Variants in KCNJ6 observed in about 807,000 individuals in gnomAD.
KCNJ6 encodes potassium inwardly rectifying channel subfamily J member 6.
KCNJ6 carries 9 observed loss-of-function variants against 34.2 expected under a neutral mutation model. The observed-to-expected ratio is 0.26, with a 90% confidence interval of 0.16 to 0.46. The LOEUF is 0.46. Among genes scored for constraint, KCNJ6 ranks in the 20% least tolerant of loss-of-function variants. KCNJ6 has a pLI of 1.00. For synonymous variants in KCNJ6, 196 were observed against 207.1 expected, an observed-to-expected ratio of 0.95 and a Z score of 0.46; for missense variants, 236 against 531.3, an observed-to-expected ratio of 0.44 and a Z score of 5.46.
chr21:37,861,891 G>A (rs1028507774), intron 1 of KCNJ6, among the ~76,000 whole-genome samples: 2 of 152,190 alleles, frequency 1.3e-5, no homozygotes, highest in Non-Finnish European at 2.9e-5. Flanking sequence ...CTGGGCCCCT[G>A]GGCAAGCTGG....
chr21:37,625,049 A>T lies in KCNJ6; in HGVS notation c.*110T>A. ...TTTGTTTTCTGGTCATGTAAAAATT[A>T]AATATAAACAAATAAAGAACAAAGC... On this transcript the variant is annotated 3_prime_UTR_variant, in exon 4 of 4. Coordinates refer to ENST00000609713, the MANE Select transcript of KCNJ6 (RefSeq NM_002240.5). The T allele has an allele frequency of 3.6e-6, 3 of 837,182 alleles. No individual in the cohort carries two copies. The highest frequency in any genetic ancestry group is 5.7e-6 in the Non-Finnish European group (3 of 526,678). The allele number at this position is 837,182 out of a possible 1,614,324, so 51.9% of individuals were successfully genotyped here.
chr21:37,645,017 GTTTT>G (rs71198881), intron 3 of KCNJ6, among the ~76,000 whole-genome samples: 33,457 of 130,720 alleles, frequency 0.26, 4,384 homozygotes, highest in South Asian at 0.33. Context: ...AAACAGGTGG[GTTTT>G]TTTTTTTTTT....
At chr21:37,798,645 C>G (rs2055254753) in intron 2 of KCNJ6, among the ~76,000 whole-genome samples, 1 of 152,098 alleles carries the variant, frequency 6.6e-6, no homozygotes, top group Non-Finnish European at 1.5e-5. Flanking sequence ...TGAAAACATG[C>G]CTAGTGAAAC....
chr21:37,817,853 A>G (rs989502185), intron 2 of KCNJ6, among the ~76,000 whole-genome samples: 5 of 152,216 alleles, frequency 3.3e-5, no homozygotes, highest in African/African-American at 9.7e-5. Context: ...CACAGGTACA[A>G]CAGAGTGGGT....
rs906331816 is a variant in KCNJ6 at position 37,613,818 on chromosome 21, G to A, written c.*11341C>T. On this transcript the variant is annotated 3_prime_UTR_variant, in exon 4 of 4. Coordinates refer to ENST00000609713, the MANE Select transcript of KCNJ6 (RefSeq NM_002240.5). ...ATTTTTAGGGCCGTGGGACTATCCT[G>A]TATGATTCTATAATGGTGGATCCAT... 2.6e-5 allele frequency: 4 copies of A among 152,170 alleles called. No homozygotes were observed. The highest frequency in any genetic ancestry group is 1.3e-4 in the Admixed American group (2 of 15,274). 9.4% of individuals were successfully genotyped at this position (152,170 alleles called of 1,614,324 possible).
At chr21:37,668,058 G>A (rs564216373) in intron 3 of KCNJ6, among the ~76,000 whole-genome samples, 16 of 152,286 alleles carry the variant, frequency 1.1e-4, no homozygotes, top group African/African-American at 3.4e-4. Context: ...TCTGATCAGT[G>A]GGCGCAGCTG....
At chr21:37,643,756 A>G (rs986299528) in intron 3 of KCNJ6, among the ~76,000 whole-genome samples, 9 of 152,192 alleles carry the variant, frequency 5.9e-5, no homozygotes, top group African/African-American at 1.7e-4. Flanking sequence ...CATCTGGGCA[A>G]TTATCCAGGA....
At chr21:37,700,530 T>A (rs1245845885) in intron 3 of KCNJ6, among the ~76,000 whole-genome samples, 1 of 152,162 alleles carries the variant, frequency 6.6e-6, no homozygotes, top group Non-Finnish European at 1.5e-5. Flanking sequence ...GATTTTTATG[T>A]TACAAAGTTT....
At chr21:37,646,031 A>G (rs1042720247) in intron 3 of KCNJ6, among the ~76,000 whole-genome samples, 5 of 152,200 alleles carry the variant, frequency 3.3e-5, no homozygotes, top group Admixed American at 2.6e-4. Flanking sequence ...GGTTTATAGA[A>G]TGTGAGACAA....
At chr21:37,626,262 C>T (rs763643445) in intron 3 of KCNJ6, among the ~76,000 whole-genome samples, 23 of 151,970 alleles carry the variant, frequency 1.5e-4, no homozygotes, top group Non-Finnish European at 2.6e-4. Context: ...TTCTGAGCAG[C>T]TGGGACTACA....
chr21:37,868,078 AG>A (rs963054913), intron 1 of KCNJ6, among the ~76,000 whole-genome samples: 3 of 152,182 alleles, frequency 2.0e-5, no homozygotes, highest in Non-Finnish European at 4.4e-5. Context: ...ATGAAGTTGA[AG>A]GCCAGCTCTC....
intron 1 of KCNJ6, among the ~76,000 whole-genome samples, chr21:37,896,353 G>T (rs187772684): frequency 4.1e-4 from 63 of 152,332 alleles, no homozygotes; most frequent in African/African-American, 1.5e-3. Context: ...TATCACCCAT[G>T]CTAACTGCTG....
At chr21:37,751,765 C>T (rs1173574299) in intron 2 of KCNJ6, among the ~76,000 whole-genome samples, 1 of 152,160 alleles carries the variant, frequency 6.6e-6, no homozygotes, top group African/African-American at 2.4e-5. Flanking sequence ...GAATGATGAA[C>T]TCATCACAAA....
intron 1 of KCNJ6, among the ~76,000 whole-genome samples, chr21:37,906,727 C>T (rs1044788619): frequency 5.9e-5 from 9 of 152,116 alleles, no homozygotes; most frequent in African/African-American, 1.9e-4. Flanking sequence ...GGCTTGGGCC[C>T]AACACTCCTT....
At chr21:37,748,703 T>C (rs2054979708) in intron 2 of KCNJ6, among the ~76,000 whole-genome samples, 1 of 152,236 alleles carries the variant, frequency 6.6e-6, no homozygotes, top group Non-Finnish European at 1.5e-5. Flanking sequence ...TTGTGGAGGT[T>C]TGACAGCTGC....
intron 2 of KCNJ6, among the ~76,000 whole-genome samples, chr21:37,810,422 A>T (rs1241272829): frequency 2.0e-5 from 3 of 152,202 alleles, no homozygotes; most frequent in African/African-American, 7.2e-5. Flanking sequence ...AGGGGATTGT[A>T]AGGGCAAGAG....
At chr21:37,821,369 AT>A (rs1555847397) in intron 2 of KCNJ6, among the ~76,000 whole-genome samples, 3 of 152,184 alleles carry the variant, frequency 2.0e-5, no homozygotes, top group South Asian at 2.1e-4. Context: ...TCAGAAGGCA[AT>A]TTTTTTATTT....
chr21:37,641,296 T>C (rs1343878693), intron 3 of KCNJ6, among the ~76,000 whole-genome samples: 1 of 152,190 alleles, frequency 6.6e-6, no homozygotes. Context: ...CTGGTAATAA[T>C]TTCATTTATT....
At chr21:37,629,588 T>G (rs77114809) in intron 3 of KCNJ6, among the ~76,000 whole-genome samples, 5,658 of 152,220 alleles carry the variant, frequency 0.037, 156 homozygotes, top group Non-Finnish European at 0.056. Context: ...GGAAAGATTA[T>G]GTGAACAGAG....
Sources: allele counts gnomAD v4.1 joint callset (sites outside exome capture counted in the v4.1 genomes callset), GRCh38; gene constraint gnomAD v4.1.1; transcripts MANE v1.5; gene names NCBI Gene and HGNC (gene_info 2026-07-23, HGNC 2026-07-21).